The following MAPT variants were observed in gnomAD, a reference collection of about 807,000 sequenced individuals.
MAPT encodes the protein microtubule-associated protein tau.
A neutral mutation model predicts 67.9 loss-of-function variants in MAPT; 34 were observed. The observed-to-expected ratio is 0.50, with a 90% confidence interval of 0.38 to 0.67. MAPT has a LOEUF of 0.67. Ranked by LOEUF, MAPT falls within the 30% of genes least tolerant of loss-of-function variation. MAPT has a pLI of 0.00. For missense variants in MAPT, 881 were observed against 1,115.2 expected (o/e 0.79, Z 2.99); for synonymous variants, 456 against 464.5 (o/e 0.98, Z 0.23).
chr17:46,018,722 A>C lies in MAPT; in HGVS notation c.2278A>C (p.Asn760His). 1 of 1,612,710 alleles carries C rather than the reference A, an allele frequency of 6.2e-7. No individual in the cohort carries two copies. Among genetic ancestry groups the C allele is most frequent in the Non-Finnish European group, 8.5e-7 (1 of 1,178,680 alleles). ...TATCACCCACGTCCCTGGCGGAGGA[A>C]ATAAAAAGGTAAAGGGGGTAGGGTG... ...DNITHVPGGG[N>H]KKIETHKLTF... is the part of the protein sequence containing the mutation. Residue 760 changes from asparagine to histidine, a missense_variant, in exon 12 of 13, where the codon AAT becomes CAT. This residue lies in a region of MAPT where 79 missense variants were observed against 150.9 expected (regional missense o/e 0.52). Coordinates refer to ENST00000262410, the MANE Select transcript of MAPT (RefSeq NM_001377265.1).
chr17:46,004,582 A>G (rs1397700034), intron 9 of MAPT, among the ~76,000 whole-genome samples: 1 of 152,200 alleles, frequency 6.6e-6, no homozygotes, highest in African/African-American at 2.4e-5. Context: ...TTTCATAATG[A>G]CAACCATTCC....
intron 9 of MAPT, among the ~76,000 whole-genome samples, chr17:46,006,247 C>T (rs1475430766): frequency 6.6e-6 from 1 of 152,144 alleles, no homozygotes; most frequent in Non-Finnish European, 1.5e-5. Flanking sequence ...CAATGGAATA[C>T]TATTCAGCCA....
Position 45,941,079 on chromosome 17 carries a change from G to A in MAPT, c.-17-21242G>A, listed in dbSNP as rs563003360. ...TCTAGCCAGCCAGAGGGCTCCTGTTGGAAAACAGGAGACCGGAGAGGCTGA... is the reference window on the plus strand; with the variant it reads ...TCTAGCCAGCCAGAGGGCTCCTGTTAGAAAACAGGAGACCGGAGAGGCTGA... On this transcript the variant is annotated intron_variant, in intron 1 of 12. Coordinates refer to ENST00000262410, the MANE Select transcript of MAPT (RefSeq NM_001377265.1). Among the ~76,000 whole-genome samples, 5 of 152,226 alleles carry A rather than the reference G, an allele frequency of 3.3e-5. No individual in the cohort carries two copies. The South Asian group carries it at 6.2e-4, about 19-fold the overall frequency.
intron 1 of MAPT, among the ~76,000 whole-genome samples, chr17:45,958,645 C>T (rs1186768216): frequency 1.3e-5 from 2 of 151,166 alleles, no homozygotes; most frequent in South Asian, 2.1e-4. Flanking sequence ...CACTTGAGCC[C>T]GGGAGGTAGA....
intron 4 of MAPT, chr17:45,980,638 A>G (rs17572613): frequency 0.14 from 21,999 of 152,112 alleles, 2,129 homozygotes; most frequent in Non-Finnish European, 0.22. Context: ...TTCAAGGTAC[A>G]TTTACTATTT....
intron 12 of MAPT, among the ~76,000 whole-genome samples, chr17:46,021,024 C>T (rs1311073401): frequency 1.3e-5 from 2 of 152,208 alleles, no homozygotes; most frequent in African/African-American, 2.4e-5. Flanking sequence ...GGCCAGTCCC[C>T]GCCCTCCCCT....
chr17:45,999,344 C>T lies in MAPT; in HGVS notation c.1998+2680C>T, dbSNP rs543012879. The T allele has an allele frequency of 7.4e-5, 119 of 1,613,972 alleles. No homozygotes were observed. The Middle Eastern group carries it at 1.3e-3, about 18-fold the overall frequency. ...GCCCCCACAAGACTGTGCAGGTGGCCGGCCCTCATTGAATGCGGGGTTAAT... is the reference window on the plus strand; with the variant it reads ...GCCCCCACAAGACTGTGCAGGTGGCTGGCCCTCATTGAATGCGGGGTTAAT... On this transcript the variant is annotated intron_variant, in intron 9 of 12. Transcript: ENST00000262410.
chr17:45,983,479 T>G lies in MAPT; in HGVS notation c.900T>G (p.Asp300Glu). 1 of 1,609,672 alleles carries G rather than the reference T, an allele frequency of 6.2e-7. No homozygotes were observed. The highest frequency in any genetic ancestry group is 8.5e-7 in the Non-Finnish European group (1 of 1,177,598). The part of the protein sequence containing the change: ...KEEVDEDRDV[D>E]ESSPQDSPPS... ...AGGTGGATGAAGACCGCGACGTCGA[T>G]GAGTCCTCCCCCCAAGACTCCCCTC... The change falls in exon 5 of 13, where the codon GAT becomes GAG. Residue 300 changes from aspartate to glutamate, a missense_variant. By Grantham distance (45) the Asp-to-Glu change is conservative. This residue lies in a region of MAPT where 687 missense variants were observed against 766.1 expected (regional missense o/e 0.90). Coordinates refer to ENST00000262410, the MANE Select transcript of MAPT (RefSeq NM_001377265.1).
intron 11 of MAPT, 32 bp from the exon 12 acceptor site, chr17:46,018,586 G>A: frequency 6.9e-7 from 1 of 1,450,306 alleles, no homozygotes; most frequent in African/African-American, 1.4e-5. Flanking sequence ...AGAAGATGAT[G>A]GCAAGATGCT....
intron 1 of MAPT, among the ~76,000 whole-genome samples, chr17:45,926,597 G>A (rs955011123): frequency 1.3e-5 from 2 of 152,162 alleles, no homozygotes; most frequent in Non-Finnish European, 2.9e-5. Flanking sequence ...ACCAGCATGA[G>A]CCACTGTACC....
At chr17:46,006,384 T>G (rs984169447) in intron 9 of MAPT, among the ~76,000 whole-genome samples, 1 of 151,954 alleles carries the variant, frequency 6.6e-6, no homozygotes, top group Non-Finnish European at 1.5e-5. Context: ...GAGCTAAAAA[T>G]TAAACTCATG....
chr17:45,973,996 T>G (rs2072023278), intron 3 of MAPT: 1 of 220,098 alleles, frequency 4.5e-6, no homozygotes, highest in African/African-American at 2.3e-5. Flanking sequence ...AGCAAAACCA[T>G]AGGCCCCCGC....
chr17:45,974,391 C>T (rs578177484), intron 3 of MAPT: 2 of 1,603,106 alleles, frequency 1.2e-6, no homozygotes, highest in African/African-American at 2.7e-5. Context: ...CTAGATGTGA[C>T]AGCACCCTTA....
chr17:45,900,336 C>T (rs1864324), intron 1 of MAPT, among the ~76,000 whole-genome samples: 21,829 of 152,234 alleles, frequency 0.14, 2,141 homozygotes, highest in Middle Eastern at 0.22. Flanking sequence ...TGCCAGGTTC[C>T]CTGCCTGCCC....
chr17:45,961,864 C>G (rs1484682850), intron 1 of MAPT, among the ~76,000 whole-genome samples: 1 of 152,046 alleles, frequency 6.6e-6, no homozygotes, highest in African/African-American at 2.4e-5. Flanking sequence ...CAACCTCCAC[C>G]TGCCAGGTTC....
chr17:45,927,491 A>C (rs925010293), intron 1 of MAPT, among the ~76,000 whole-genome samples: 3 of 152,132 alleles, frequency 2.0e-5, no homozygotes, highest in South Asian at 2.1e-4. Flanking sequence ...GGGTGACTCT[A>C]CTAAGGCCAG....
intron 2 of MAPT, 71 bp downstream of exon 2, chr17:45,962,541 C>T (rs1568241321): frequency 6.4e-7 from 1 of 1,573,928 alleles, no homozygotes. Context: ...AGTTTGCATC[C>T]AGAATTGCAA....
intron 1 of MAPT, among the ~76,000 whole-genome samples, chr17:45,935,699 T>C (rs557954067): frequency 6.6e-6 from 1 of 152,264 alleles, no homozygotes; most frequent in African/African-American, 2.4e-5. Context: ...TGACCAATGG[T>C]GTCCCTTTGC....
chr17:45,941,680 C>CCCCTTCCT (rs2067928765), intron 1 of MAPT, among the ~76,000 whole-genome samples: 1 of 47,224 alleles, frequency 2.1e-5, no homozygotes, highest in African/African-American at 8.9e-5. Context: ...CCCCCCTTCC[C>CCCCTTCCT]TCCTTCCTTC....
Sources: allele counts gnomAD v4.1 joint callset (sites outside exome capture counted in the v4.1 genomes callset), GRCh38; gene constraint gnomAD v4.1.1; regional missense constraint gnomAD v4.1.1; transcripts MANE v1.5; gene names NCBI Gene and HGNC (gene_info 2026-07-23, HGNC 2026-07-21).